TYW1B: variants seen among roughly 807,000 people sequenced by gnomAD.
TYW1B encodes the protein tRNA-yW synthesizing protein 1 homolog B.
Under a neutral mutation model 86.9 loss-of-function variants are expected in TYW1B, and 73 were observed. The observed-to-expected ratio is 0.84, with a 90% CI of 0.70 to 1.02. The LOEUF (loss-of-function observed/expected upper bound fraction) is 1.02. Among genes scored for constraint, TYW1B ranks in the 50% least tolerant of loss-of-function variants. The pLI is 0.00. For missense variants in TYW1B, 637 were observed against 827.4 expected (o/e 0.77, Z 2.82); for synonymous variants, 248 against 292.8 (o/e 0.85, Z 1.56).
chr7:72,759,086 C>T (rs997443879), intron 7 of TYW1B, among the ~76,000 whole-genome samples: 4 of 152,108 alleles, frequency 2.6e-5, no homozygotes, highest in South Asian at 2.1e-4. Context: ...ATCCCAGCAC[C>T]GTGCGAGGCC....
chr7:72,765,323 T>C (rs559929464), intron 7 of TYW1B, among the ~76,000 whole-genome samples: 2 of 152,324 alleles, frequency 1.3e-5, no homozygotes, highest in African/African-American at 2.4e-5. Flanking sequence ...AATATACCTA[T>C]TCTTATTACA....
chr7:72,748,642 A>C (rs1473292409), intron 7 of TYW1B, among the ~76,000 whole-genome samples: 2 of 151,418 alleles, frequency 1.3e-5, no homozygotes, highest in Admixed American at 1.3e-4. Context: ...GTTTTTAATG[A>C]TGAAGGGTTA....
chr7:72,733,885 G>A (rs1787155718), intron 8 of TYW1B, among the ~76,000 whole-genome samples: 1 of 152,098 alleles, frequency 6.6e-6, no homozygotes, highest in Non-Finnish European at 1.5e-5. Flanking sequence ...AAAATCACAT[G>A]GAACCACTAA....
intron 11 of TYW1B, among the ~76,000 whole-genome samples, chr7:72,692,988 G>T (rs1181208961): frequency 2.0e-5 from 3 of 152,094 alleles, no homozygotes; most frequent in South Asian, 4.1e-4. Context: ...GGAGAGAAAG[G>T]CAAGTTTTCT....
chr7:72,630,409 G>T (rs1159929652), intron 11 of TYW1B, among the ~76,000 whole-genome samples: 1 of 151,878 alleles, frequency 6.6e-6, no homozygotes, highest in African/African-American at 2.4e-5. Flanking sequence ...GTGGTTCTAG[G>T]TACATGATTA....
At chr7:72,682,412 A>T (rs1317723355) in intron 11 of TYW1B, among the ~76,000 whole-genome samples, 13 of 152,340 alleles carry the variant, frequency 8.5e-5, no homozygotes, top group African/African-American at 2.9e-4. Flanking sequence ...GTTGAGATTT[A>T]AACAACTGGG....
intron 7 of TYW1B, 65 bp from the exon 8 acceptor site, chr7:72,744,666 G>C (rs2129571361): frequency 6.6e-7 from 1 of 1,507,948 alleles, no homozygotes. Flanking sequence ...AACCACCAAG[G>C]CATCATTTTT....
intron 9 of TYW1B, among the ~76,000 whole-genome samples, chr7:72,717,511 A>C (rs1322372673): frequency 2.0e-5 from 3 of 152,120 alleles, no homozygotes; most frequent in Non-Finnish European, 4.4e-5. Flanking sequence ...CACAGAAAAA[A>C]ACAAAGAGAA....
chr7:72,604,319 G>A lies in TYW1B; in HGVS notation c.1785+12353C>T, dbSNP rs145535793. Among the ~76,000 whole-genome samples the A allele has an allele frequency of 2.7e-3, 414 of 152,006 alleles. 2 individuals carry two copies. Among genetic ancestry groups the A allele is most frequent in the African/African-American group, 9.1e-3 (376 of 41,450 alleles). ...CTCTATTAAAAATACAAAAGTAGCC[G>A]GGCGTGGTGGCGTGCGCTTGTAATC... On this transcript the variant is annotated intron_variant, in intron 13 of 13. Transcript: ENST00000620995.
chr7:72,723,554 C>G (rs1365345991), intron 9 of TYW1B, among the ~76,000 whole-genome samples: 1 of 152,082 alleles, frequency 6.6e-6, no homozygotes, highest in Non-Finnish European at 1.5e-5. Context: ...ATTGCTTGAG[C>G]CCAGGAGTTC....
chr7:72,750,966 C>G (rs1217474678), intron 7 of TYW1B, among the ~76,000 whole-genome samples: 1 of 152,038 alleles, frequency 6.6e-6, no homozygotes, highest in Non-Finnish European at 1.5e-5. Context: ...TAAACTGCCA[C>G]GCAATCTCTA....
intron 13 of TYW1B, among the ~76,000 whole-genome samples, chr7:72,592,353 G>A (rs1554431676): frequency 6.6e-6 from 1 of 152,068 alleles, no homozygotes; most frequent in Non-Finnish European, 1.5e-5. Context: ...ACTTTAGAAT[G>A]TTAAATGCAA....
chr7:72,687,332 G>A (rs1291844449), intron 11 of TYW1B, among the ~76,000 whole-genome samples: 1 of 152,178 alleles, frequency 6.6e-6, no homozygotes, highest in East Asian at 1.9e-4. Context: ...CTACTTGGGA[G>A]CTGAGACAGG....
intron 7 of TYW1B, among the ~76,000 whole-genome samples, chr7:72,749,574 G>A (rs1352565472): frequency 3.3e-5 from 5 of 152,142 alleles, no homozygotes; most frequent in Non-Finnish European, 7.4e-5. Flanking sequence ...TTACAGGCGT[G>A]AGCCGCCGCA....
chr7:72,697,095 A>G (rs1814339375), intron 10 of TYW1B, among the ~76,000 whole-genome samples: 1 of 151,424 alleles, frequency 6.6e-6, no homozygotes, highest in South Asian at 2.1e-4. Context: ...GGCTATCATC[A>G]TCTGATAACT....
chr7:72,705,895 C>T (rs1468303897), intron 10 of TYW1B, among the ~76,000 whole-genome samples: 1 of 152,112 alleles, frequency 6.6e-6, no homozygotes, highest in Non-Finnish European at 1.5e-5. Context: ...AGCATTACAG[C>T]GTGGAGCTAT....
intron 2 of TYW1B, among the ~76,000 whole-genome samples, chr7:72,822,668 T>C (rs1256301946): frequency 2.0e-4 from 30 of 152,298 alleles, no homozygotes; most frequent in African/African-American, 7.0e-4. Flanking sequence ...TGAGATGGGC[T>C]GGGCACAGTG....
At chr7:72,603,230 C>T (rs775007988) in intron 13 of TYW1B, among the ~76,000 whole-genome samples, 2 of 149,232 alleles carry the variant, frequency 1.3e-5, no homozygotes, top group Non-Finnish European at 3.0e-5. Context: ...TAGACACAGA[C>T]AGATGATGGA....
At chr7:72,782,184 G>A (rs1445707179) in intron 6 of TYW1B, among the ~76,000 whole-genome samples, 1 of 152,064 alleles carries the variant, frequency 6.6e-6, no homozygotes, top group Non-Finnish European at 1.5e-5. Flanking sequence ...AGCCACTTGG[G>A]AGGCTGAGGT....
Sources: allele counts gnomAD v4.1 joint callset (sites outside exome capture counted in the v4.1 genomes callset), GRCh38; gene constraint gnomAD v4.1.1; transcripts MANE v1.5; gene names NCBI Gene and HGNC (gene_info 2026-07-23, HGNC 2026-07-21).